PRRC2B: variants seen among roughly 807,000 people sequenced by gnomAD.
PRRC2B encodes the protein protein PRRC2B.
In PRRC2B, 68 loss-of-function variants were observed where a neutral mutation model predicts 242.3. The ratio of observed to expected loss-of-function variants is 0.28; its 90% CI spans 0.23 to 0.34. PRRC2B has a LOEUF of 0.34. Ranked by LOEUF, PRRC2B falls within the 10% of genes least tolerant of loss-of-function variation. PRRC2B has a pLI of 1.00. For synonymous variants in PRRC2B, 1,228 were observed against 1,173.6 expected, an observed-to-expected ratio of 1.05 and a Z score of -0.95; for missense variants, 2,835 against 2,954.8, an observed-to-expected ratio of 0.96 and a Z score of 0.94.
Position 131,436,700 on chromosome 9 carries a change from C to T in PRRC2B, c.374C>T (p.Pro125Leu), listed in dbSNP as rs200715842. 96 of 1,613,958 alleles carry T rather than the reference C, an allele frequency of 5.9e-5. No individual in the cohort carries two copies. Among genetic ancestry groups the T allele is most frequent in the Middle Eastern group, 1.6e-4 (1 of 6,062 alleles). Residue 125 changes from proline (P) to leucine (L), a missense_variant, in exon 4 of 32, where the codon CCG becomes CTG. Coordinates refer to ENST00000683519, the MANE Select transcript of PRRC2B (RefSeq NM_013318.4). ...LQKSVSNLQK[P>L]TQSISQENTN... ...AAATCTGTCTCCAATTTGCAGAAAC[C>T]GACACAGTCAATCAGTCAGGAGGTA... is the stretch of plus-strand genomic sequence containing the variant.
Position 131,475,899 on chromosome 9 carries a change from C to G in PRRC2B, c.3770C>G (p.Pro1257Arg). ...CGACCTACAGACAGAGACTATGTCC[C>G]AGATTCCTACAGACACCCTGACGCA... ...SRRPTDRDYV[P>R]DSYRHPDAFG... is the part of the protein sequence containing the mutation. Residue 1257 changes from proline (P) to arginine (R), a missense_variant, in exon 16 of 32, where the codon CCA (proline) becomes CGA (arginine). Coordinates refer to ENST00000683519, the MANE Select transcript of PRRC2B (RefSeq NM_013318.4). 1 of 1,613,890 alleles carries G rather than the reference C, an allele frequency of 6.2e-7. No homozygotes were observed.
chr9:131,488,632 G>A (rs1251588817), intron 28 of PRRC2B, among the ~76,000 whole-genome samples: 2 of 152,088 alleles, frequency 1.3e-5, no homozygotes, highest in South Asian at 2.1e-4. Flanking sequence ...GCCCCCAGAC[G>A]GGGGCTCCTT....
chr9:131,482,784 CAGAA>C lies in PRRC2B; in HGVS notation c.5253_5256del (p.Lys1752AlafsTer71), dbSNP rs1324075745. 6.2e-7 allele frequency: 1 copy of C among 1,611,748 alleles called. No individual in the cohort carries two copies. Among genetic ancestry groups the C allele is most frequent in the Non-Finnish European group, 8.5e-7 (1 of 1,178,866 alleles). On this transcript the variant is annotated frameshift_variant, in exon 22 of 32. Coordinates refer to ENST00000683519, the MANE Select transcript of PRRC2B (RefSeq NM_013318.4). LOFTEE classifies it high-confidence loss of function. The surrounding 1 kb of genome is among the most constrained non-coding windows in gnomAD (Gnocchi z 5.2). ...TCGGCAACGAGCGTTCTCTGAAAAACAGAAAGGGCTCGGAGGGGGCCGAGCGGCT... is the reference window on the plus strand; with the variant it reads ...TCGGCAACGAGCGTTCTCTGAAAAACAGGGCTCGGAGGGGGCCGAGCGGCT...
At chr9:131,388,928 C>A (rs1189886458) in intron 1 of PRRC2B, among the ~76,000 whole-genome samples, 2 of 149,080 alleles carry the variant, frequency 1.3e-5, no homozygotes, top group Non-Finnish European at 3.0e-5. Context: ...GCAACCTCCC[C>A]CTCCCGGATT....
At chr9:131,404,928 G>A (rs1054149844) in intron 1 of PRRC2B, among the ~76,000 whole-genome samples, 1 of 152,174 alleles carries the variant, frequency 6.6e-6, no homozygotes, top group Non-Finnish European at 1.5e-5. Context: ...GTGAGAATGT[G>A]GTTCTGCAGT....
Position 131,477,811 on chromosome 9 carries a change from G to A in PRRC2B, c.4474G>A (p.Ala1492Thr), listed in dbSNP as rs1943747724. 1.2e-6 allele frequency: 2 copies of A among 1,612,760 alleles called. No homozygotes were observed. The highest frequency in any genetic ancestry group is 1.7e-6 in the Non-Finnish European group (2 of 1,179,404). ...CAGTGGGAGTGGCCACTCCCCCTAT[G>A]CCCTGGAGCGGGCAGCCCATGCCAG... ...CSSGSGHSPY[A>T]LERAAHASAD... The change falls in exon 17 of 32, where the codon GCC becomes ACC. Residue 1492 changes from alanine (A) to threonine (T), a missense_variant. Transcript: ENST00000683519.
chr9:131,485,822 G>A (rs1944005186), intron 25 of PRRC2B: 1 of 716,584 alleles, frequency 1.4e-6, no homozygotes, highest in South Asian at 1.4e-5. Context: ...GAGGTGGGAA[G>A]GGTAGGCCAG....
At chr9:131,466,277 G>A (rs1267629361) in intron 12 of PRRC2B, among the ~76,000 whole-genome samples, 4 of 152,164 alleles carry the variant, frequency 2.6e-5, no homozygotes. Context: ...GTTGAGTGAG[G>A]ACTGTGCCAC....
At chr9:131,414,676 TC>T (rs1837598245) in intron 1 of PRRC2B, among the ~76,000 whole-genome samples, 1 of 151,462 alleles carries the variant, frequency 6.6e-6, no homozygotes, top group South Asian at 2.1e-4. Context: ...GTTCAAGTGA[TC>T]TTCTGCCTCA....
In PRRC2B at chr9:131,465,035, T is replaced by G; in HGVS notation, c.1677T>G (p.Ala559=). Residue 559 remains alanine, a synonymous_variant, in exon 12 of 32, where the codon GCT becomes GCG. Transcript: ENST00000683519. ...AEKEVPWSPS[A]EKASPQENGP... is the part of the protein sequence containing the mutation. The stretch of plus-strand genomic sequence containing the variant: ...AGGAAGTGCCCTGGTCTCCAAGTGC[T>G]GAGAAGGCATCTCCCCAGGAAAACG... 6.2e-7 allele frequency: 1 copy of G among 1,613,964 alleles called. No homozygotes were observed. Among genetic ancestry groups the G allele is most frequent in the Non-Finnish European group, 8.5e-7 (1 of 1,179,882 alleles).
In PRRC2B at chr9:131,409,020, C is replaced by CTT. The variant is rs1209001135; in HGVS notation, c.-52+14772_-52+14773dup. Among the ~76,000 whole-genome samples, 172 of 129,142 alleles carry CTT rather than the reference C, an allele frequency of 1.3e-3. 1 individual carries two copies. Among genetic ancestry groups the CTT allele is most frequent in the South Asian group, 8.3e-3 (33 of 3,982 alleles). 84.7% of individuals were successfully genotyped at this position (129,142 alleles called of 152,430 possible). On this transcript the variant is annotated intron_variant, in intron 1 of 31. Coordinates refer to ENST00000683519, the MANE Select transcript of PRRC2B (RefSeq NM_013318.4). ...AGGCATGAGTCACTGCGCTCAGCCA[C>CTT]TTTTTTTTTTTTTTTTCCTGAGATG... is the stretch of plus-strand genomic sequence containing the variant.
At chr9:131,392,667 C>T (rs951218313), upstream of PRRC2B, among the ~76,000 whole-genome samples, 4 of 152,118 alleles carry the variant, frequency 2.6e-5, no homozygotes, top group Admixed American at 1.3e-4. Flanking sequence ...AATCCCAACA[C>T]TTTGGGAGGC....
At chr9:131,453,230 C>T (rs1942975347) in intron 9 of PRRC2B, among the ~76,000 whole-genome samples, 1 of 152,180 alleles carries the variant, frequency 6.6e-6, no homozygotes. Flanking sequence ...CTCTGACTTA[C>T]TGTTTTCAGC....
At chr9:131,426,505 C>G (rs1012727520) in intron 1 of PRRC2B, among the ~76,000 whole-genome samples, 5 of 152,060 alleles carry the variant, frequency 3.3e-5, no homozygotes, top group African/African-American at 1.2e-4. Flanking sequence ...TTAATTATGA[C>G]TTTTGGGGAG....
At chr9:131,382,108 C>T (rs1042890973) in intron 1 of PRRC2B, among the ~76,000 whole-genome samples, 1 of 152,098 alleles carries the variant, frequency 6.6e-6, no homozygotes, top group African/African-American at 2.4e-5. Flanking sequence ...CCTCCGCCTC[C>T]TTGGTTCAAG....
intron 1 of PRRC2B, among the ~76,000 whole-genome samples, chr9:131,403,208 CGGTGG>C (rs1837270990): frequency 6.6e-6 from 1 of 152,110 alleles, no homozygotes; most frequent in East Asian, 1.9e-4. Context: ...ACCGACCTGT[CGGTGG>C]ACTGAATGGG....
intron 5 of PRRC2B, among the ~76,000 whole-genome samples, chr9:131,442,792 C>G (rs1226227299): frequency 6.6e-6 from 1 of 152,150 alleles, no homozygotes; most frequent in South Asian, 2.1e-4. Context: ...TATTCCAGAT[C>G]AAAAGACGTG....
rs551677276 is a variant in PRRC2B, at chr9:131,475,167, T to G, written c.3038T>G (p.Phe1013Cys). ...GACAAAGGCCCTGGCCATGCCACTT[T>G]TGGCCGCGAGGCCACCAAATTTGAA... Reference protein sequence around the residue: ...LEDKGPGHATFGREATKFEEE... With the variant: ...LEDKGPGHATCGREATKFEEE... Residue 1013 changes from phenylalanine to cysteine, a missense_variant, in exon 16 of 32, where the codon TTT becomes TGT. Coordinates refer to ENST00000683519, the MANE Select transcript of PRRC2B (RefSeq NM_013318.4). 155 of 1,613,340 alleles carry G rather than the reference T, an allele frequency of 9.6e-5. No individual in the cohort carries two copies. The South Asian group carries it at 1.6e-3, about 16-fold the overall frequency.
Position 131,446,682 on chromosome 9 carries a change from T to C in PRRC2B, c.855+40T>C, listed in dbSNP as rs540881102. Reference sequence around the variant, plus strand: ...TGTACTTTTTTTCCCCCCATGAAGTTGGATTGTGTCCAGCAGATAGGTCAA... The same window carrying C: ...TGTACTTTTTTTCCCCCCATGAAGTCGGATTGTGTCCAGCAGATAGGTCAA... On this transcript the variant is annotated intron_variant, in intron 7 of 31. Coordinates refer to ENST00000683519, the MANE Select transcript of PRRC2B (RefSeq NM_013318.4). This position sits in a 1 kb window ranked among gnomAD's most constrained non-coding sequence, Gnocchi z 4.1. The C allele has an allele frequency of 2.0e-5, 32 of 1,608,180 alleles. No homozygotes were observed. The East Asian group carries it at 7.1e-4, about 36-fold the overall frequency.
Sources: gnomAD v4.1 joint callset for allele counts (sites outside exome capture counted in the v4.1 genomes callset) on GRCh38, gnomAD v4.1.1 for gene constraint, Gnocchi (gnomAD v3.1) non-coding constraint, MANE v1.5 for transcripts, NCBI Gene and HGNC (gene_info 2026-07-23, HGNC 2026-07-21) for gene names.